Variants in METTL15 observed in about 807,000 individuals in gnomAD.
METTL15 encodes 12S rRNA N(4)-cytidine methyltransferase METTL15.
METTL15 carries 34 observed loss-of-function variants against 38.3 expected under a neutral mutation model. The observed-to-expected ratio is 0.89, with a 90% CI of 0.68 to 1.18. The LOEUF (loss-of-function observed/expected upper bound fraction) is 1.18, where lower values mean the gene tolerates loss of function less well. Among genes scored for constraint, METTL15 ranks in the 50% most tolerant of loss-of-function variants. The pLI is 0.00. For synonymous variants in METTL15, 162 were observed against 170.9 expected (o/e 0.95, Z 0.41); for missense variants, 438 against 498.4 (o/e 0.88, Z 1.15).
intron 5 of METTL15, among the ~76,000 whole-genome samples, chr11:28,370,812 A>G (rs754354364): frequency 1.3e-5 from 2 of 151,956 alleles, no homozygotes; most frequent in Non-Finnish European, 2.9e-5. Context: ...AGTGATGCTG[A>G]ACATTTTTAT....
At chr11:28,370,675 G>T (rs935169258) in intron 5 of METTL15, among the ~76,000 whole-genome samples, 1 of 151,890 alleles carries the variant, frequency 6.6e-6, no homozygotes, top group Non-Finnish European at 1.5e-5. Flanking sequence ...CTCACCAATG[G>T]TGTACTAGGG....
chr11:28,491,302 A>G (rs1316682736), intron 6 of METTL15, among the ~76,000 whole-genome samples: 5 of 152,144 alleles, frequency 3.3e-5, no homozygotes, highest in Non-Finnish European at 5.9e-5. Flanking sequence ...TGCTTATTGA[A>G]TGGCCATTTC....
In METTL15 at chr11:28,510,154, G is replaced by A. The variant is rs537849207; in HGVS notation, c.*425-16324G>A. On this transcript the variant is annotated intron_variant and NMD_transcript_variant, in intron 6 of 7. Transcript: ENST00000532947. ...GTAGAGATGACATTTTCCTTACAGC[G>A]CCTGTGTCTCAGTTGTTTGGACTTG... Among the ~76,000 whole-genome samples the A allele has an allele frequency of 6.6e-5, 10 of 152,040 alleles. No individual in the cohort carries two copies. The South Asian group carries it at 1.0e-3, about 16-fold the overall frequency.
At chr11:28,489,606 CAG>C (rs139116502) in intron 6 of METTL15, among the ~76,000 whole-genome samples, 231 of 147,210 alleles carry the variant, frequency 1.6e-3, no homozygotes, top group Non-Finnish European at 1.6e-3. Flanking sequence ...TATGGAAGCC[CAG>C]AGAGAGAGAG....
intron 6 of METTL15, among the ~76,000 whole-genome samples, chr11:28,509,807 C>A (rs923003777): frequency 1.3e-5 from 2 of 152,164 alleles, no homozygotes; most frequent in Admixed American, 1.3e-4. Flanking sequence ...TTATGGGGAG[C>A]TCATTGCATT....
intron 4 of METTL15, among the ~76,000 whole-genome samples, chr11:28,212,404 G>GT (rs1443305678): frequency 1.2e-4 from 19 of 152,204 alleles, no homozygotes; most frequent in African/African-American, 4.3e-4. Context: ...TTAAGAAGAT[G>GT]TTTTATTAGA....
At chr11:28,154,046 T>TA (rs758551662) in intron 3 of METTL15, among the ~76,000 whole-genome samples, 5 of 152,278 alleles carry the variant, frequency 3.3e-5, no homozygotes, top group Admixed American at 1.3e-4. Flanking sequence ...AGTGGGTTCT[T>TA]ACCTGATTTT....
Position 28,211,141 on chromosome 11 carries a change from C to A in METTL15, c.350C>A (p.Ala117Asp), listed in dbSNP as rs761093525. ...AAGGAGTCAGATATTGTTCTCTATG[C>A]CTTGGACAGAGACCCAACAGCTTAT... ...LQKESDIVLY[A>D]LDRDPTAYAL... The change falls in exon 4 of 7, where the codon GCC (alanine) becomes GAC (aspartate). Residue 117 changes from alanine (A) to aspartate (D), a missense_variant. By Grantham distance (126) the Ala-to-Asp change is moderately radical. Coordinates refer to ENST00000407364, the MANE Select transcript of METTL15 (RefSeq NM_001113528.2). 6.2e-7 allele frequency: 1 copy of A among 1,612,716 alleles called. No homozygotes were observed.
intron 6 of METTL15, among the ~76,000 whole-genome samples, chr11:28,490,849 T>C (rs963453261): frequency 2.6e-5 from 4 of 152,186 alleles, no homozygotes; most frequent in African/African-American, 9.7e-5. Context: ...ATAGACATTT[T>C]TGTCAAAAGG....
At chr11:28,245,793 C>T (rs771558224) in intron 4 of METTL15, among the ~76,000 whole-genome samples, 5 of 152,018 alleles carry the variant, frequency 3.3e-5, no homozygotes, top group Admixed American at 1.3e-4. Context: ...CGTGTCTTCA[C>T]GTGGCTGGCA....
At chr11:28,119,168 T>C (rs1209921826) in intron 3 of METTL15, among the ~76,000 whole-genome samples, 3 of 152,196 alleles carry the variant, frequency 2.0e-5, no homozygotes, top group African/African-American at 7.2e-5. Context: ...CTTTTCTTCA[T>C]AGCAACTTAA....
intron 5 of METTL15, among the ~76,000 whole-genome samples, chr11:28,379,722 T>A (rs1850360943): frequency 2.6e-5 from 4 of 152,214 alleles, no homozygotes; most frequent in African/African-American, 7.2e-5. Flanking sequence ...CAGTTAGGAT[T>A]TCTTTTTTCT....
chr11:28,422,043 C>T (rs1183815613), intron 5 of METTL15, among the ~76,000 whole-genome samples: 4 of 151,948 alleles, frequency 2.6e-5, no homozygotes. Flanking sequence ...TATATGCCAA[C>T]AGCAAACAAT....
At chr11:28,268,188 C>G (rs1280103578) in intron 4 of METTL15, among the ~76,000 whole-genome samples, 2 of 110,872 alleles carry the variant, frequency 1.8e-5, no homozygotes, top group Non-Finnish European at 3.5e-5. Flanking sequence ...CAGAGCGAGA[C>G]TCCGTCTCAA....
intron 6 of METTL15, among the ~76,000 whole-genome samples, chr11:28,503,758 T>C (rs1851603681): frequency 6.6e-6 from 1 of 150,988 alleles, no homozygotes; most frequent in African/African-American, 2.4e-5. Context: ...GCCACTGCAC[T>C]CCAGCCTGGG....
chr11:28,252,758 C>T (rs939215024), intron 4 of METTL15, among the ~76,000 whole-genome samples: 1 of 152,012 alleles, frequency 6.6e-6, no homozygotes, highest in Non-Finnish European at 1.5e-5. Context: ...TCCTTTGCAG[C>T]TTGGCTTTAC....
At chr11:28,127,764 A>G (rs1852558328) in intron 3 of METTL15, among the ~76,000 whole-genome samples, 1 of 152,100 alleles carries the variant, frequency 6.6e-6, no homozygotes, top group Non-Finnish European at 1.5e-5. Flanking sequence ...TAATCTATAT[A>G]AAATTATATA....
intron 5 of METTL15, among the ~76,000 whole-genome samples, chr11:28,372,057 T>C (rs532682060): frequency 4.8e-4 from 73 of 152,236 alleles, no homozygotes; most frequent in Non-Finnish European, 9.4e-4. Flanking sequence ...GGCATTCTTA[T>C]CATATTCTGG....
intron 5 of METTL15, among the ~76,000 whole-genome samples, chr11:28,369,604 C>T (rs1850222994): frequency 6.6e-6 from 1 of 152,220 alleles, no homozygotes; most frequent in Admixed American, 6.5e-5. Context: ...GTAGATTTCT[C>T]AGCAGAAACA....
Sources: gnomAD v4.1 joint callset for allele counts (sites outside exome capture counted in the v4.1 genomes callset) on GRCh38, gnomAD v4.1.1 for gene constraint, MANE v1.5 for transcripts, NCBI Gene and HGNC (gene_info 2026-07-23, HGNC 2026-07-21) for gene names.